Variants in EFHD1 observed in about 807,000 individuals in gnomAD.
The protein encoded by EFHD1 is EF-hand domain family member D1, also known as EF-hand domain-containing protein D1.
EFHD1 carries 10 observed loss-of-function variants against 17.2 expected under a neutral mutation model. The observed-to-expected ratio is 0.58, with a 90% confidence interval of 0.36 to 0.99. The LOEUF (loss-of-function observed/expected upper bound fraction) is 0.99. Ranked by LOEUF, EFHD1 falls within the 50% of genes least tolerant of loss-of-function variation. EFHD1 has a pLI of 0.01. For synonymous variants in EFHD1, 153 were observed against 142.0 expected (o/e 1.08, Z -0.55); for missense variants, 310 against 327.5 (o/e 0.95, Z 0.41).
intron 3 of EFHD1, among the ~76,000 whole-genome samples, chr2:232,678,727 G>A (rs534314647): frequency 1.2e-4 from 18 of 152,340 alleles, no homozygotes; most frequent in African/African-American, 4.3e-4. Context: ...AGGTTGCAGT[G>A]AGCTGTGATC....
intron 2 of EFHD1, 35 bp downstream of exon 2, chr2:232,662,984 G>T (rs758857230): frequency 6.5e-7 from 1 of 1,528,854 alleles, no homozygotes; most frequent in South Asian, 1.3e-5. Flanking sequence ...CCCCTGTGGG[G>T]TGCCCCTGAG....
intron 1 of EFHD1, among the ~76,000 whole-genome samples, chr2:232,617,784 C>T (rs1693954941): frequency 7.0e-6 from 1 of 142,904 alleles, no homozygotes; most frequent in Non-Finnish European, 1.5e-5. Flanking sequence ...GTTGTCTCTA[C>T]TAAAAATACA....
At chr2:232,609,205 G>A (rs73093536) in intron 1 of EFHD1, among the ~76,000 whole-genome samples, 9,881 of 151,078 alleles carry the variant, frequency 0.065, 987 homozygotes, top group African/African-American at 0.22. Context: ...GATTACAGGC[G>A]CCCACCACCA....
At chr2:232,623,154 C>T (rs1251524697) in intron 1 of EFHD1, among the ~76,000 whole-genome samples, 1 of 152,148 alleles carries the variant, frequency 6.6e-6, no homozygotes, top group Non-Finnish European at 1.5e-5. Context: ...TCAAACGATC[C>T]TCCTACTTTG....
intron 1 of EFHD1, among the ~76,000 whole-genome samples, chr2:232,639,775 C>G (rs1042625581): frequency 2.6e-5 from 4 of 152,074 alleles, no homozygotes; most frequent in Non-Finnish European, 5.9e-5. Flanking sequence ...AGTTAGGAGC[C>G]CAGCACATCC....
chr2:232,648,948 G>A (rs562478615), intron 1 of EFHD1, among the ~76,000 whole-genome samples: 2 of 152,240 alleles, frequency 1.3e-5, no homozygotes, highest in Admixed American at 6.5e-5. Flanking sequence ...CGTGTTCTGG[G>A]GCACTGCTAC....
chr2:232,620,772 G>A (rs760302568), intron 1 of EFHD1, among the ~76,000 whole-genome samples: 3 of 152,052 alleles, frequency 2.0e-5, no homozygotes, highest in East Asian at 1.9e-4. Context: ...TGCAGATTCC[G>A]AAAAAGCCAA....
intron 1 of EFHD1, among the ~76,000 whole-genome samples, chr2:232,624,239 C>G (rs1239538983): frequency 6.6e-6 from 1 of 152,150 alleles, no homozygotes; most frequent in African/African-American, 2.4e-5. Context: ...CCCAGGGAAC[C>G]CAGGTCTTTG....
intron 1 of EFHD1, among the ~76,000 whole-genome samples, chr2:232,639,983 A>G (rs1297160852): frequency 6.6e-6 from 1 of 152,058 alleles, no homozygotes; most frequent in Non-Finnish European, 1.5e-5. Context: ...GGCCTCCTCC[A>G]CATTTTACAG....
intron 2 of EFHD1, among the ~76,000 whole-genome samples, chr2:232,670,993 C>A (rs1254336368): frequency 2.0e-5 from 3 of 152,120 alleles, no homozygotes; most frequent in Non-Finnish European, 2.9e-5. Context: ...ATTTTTCTTT[C>A]ATCACTGTAA....
In EFHD1 at chr2:232,677,207, T is replaced by TACACACACACACACAC. The variant is rs61607311; in HGVS notation, c.586-4359_586-4344dup. ...GGGCAACATGGCAAGACCCCATCTC[T>TACACACACACACACAC]ACACACACACACACACACACACACA... On this transcript the variant is annotated intron_variant, in intron 3 of 3. Transcript: ENST00000264059. Among the ~76,000 whole-genome samples, 29 of 131,364 alleles carry TACACACACACACACAC rather than the reference T, an allele frequency of 2.2e-4. 1 individual carries two copies. The highest frequency in any genetic ancestry group is 8.5e-4 in the African/African-American group (28 of 32,974). The allele number at this position is 131,364 out of a possible 152,430, so 86.2% of individuals were successfully genotyped here.
chr2:232,633,533 T>TCCGCCCCGA (rs1170980144), upstream of EFHD1: 37 of 1,282,498 alleles, frequency 2.9e-5, no homozygotes, highest in South Asian at 6.8e-4. Flanking sequence ...AAGCCGCAGC[T>TCCGCCCCGA]CCGCCCCGAC....
At chr2:232,612,889 C>A (rs1693835161) in intron 1 of EFHD1, among the ~76,000 whole-genome samples, 2 of 151,740 alleles carry the variant, frequency 1.3e-5, no homozygotes, top group African/African-American at 4.8e-5. Flanking sequence ...TACACCACCA[C>A]GTCCAGCTAA....
At chr2:232,654,905 CT>C (rs1209750854) in intron 1 of EFHD1, among the ~76,000 whole-genome samples, 1 of 152,200 alleles carries the variant, frequency 6.6e-6, no homozygotes, top group Non-Finnish European at 1.5e-5. Flanking sequence ...ATTCCCTGAC[CT>C]TTACTTATCC....
chr2:232,639,515 T>A (rs1175983717), intron 1 of EFHD1, among the ~76,000 whole-genome samples: 1 of 152,196 alleles, frequency 6.6e-6, no homozygotes, highest in Non-Finnish European at 1.5e-5. Context: ...TTTTCTTAAA[T>A]GTTGTTGTAT....
intron 1 of EFHD1, among the ~76,000 whole-genome samples, chr2:232,617,038 G>A (rs1174977474): frequency 6.6e-6 from 1 of 152,330 alleles, no homozygotes; most frequent in East Asian, 1.9e-4. Context: ...CCAAGACCAT[G>A]CGTTTACTCA....
chr2:232,611,657 A>G (rs1693818034), intron 1 of EFHD1: 1 of 152,242 alleles, frequency 6.6e-6, no homozygotes, highest in African/African-American at 2.4e-5. Flanking sequence ...TGATACCCCT[A>G]AGGCAAGAAC....
chr2:232,615,489 C>T (rs1400634494), intron 1 of EFHD1, among the ~76,000 whole-genome samples: 1 of 151,948 alleles, frequency 6.6e-6, no homozygotes, highest in Admixed American at 6.6e-5. Flanking sequence ...CTTTTCCCTG[C>T]CTGCTCTTGT....
chr2:232,655,802 C>CTTTTT (rs66762860), intron 1 of EFHD1, among the ~76,000 whole-genome samples: 9 of 133,296 alleles, frequency 6.8e-5, no homozygotes, highest in East Asian at 2.2e-4. Context: ...TGTGTGGGGT[C>CTTTTT]TTTTTTTTTT....
Sources: allele counts gnomAD v4.1 joint callset (sites outside exome capture counted in the v4.1 genomes callset), GRCh38; gene constraint gnomAD v4.1.1; transcripts MANE v1.5; gene names NCBI Gene and HGNC (gene_info 2026-07-23, HGNC 2026-07-21).